Variants in MTHFD2L observed in about 807,000 individuals in gnomAD.
The protein encoded by MTHFD2L is methylenetetrahydrofolate dehydrogenase (NADP+ dependent) 2 like.
Under a neutral mutation model 34.9 loss-of-function variants are expected in MTHFD2L, and 29 were observed. The ratio of observed to expected loss-of-function variants is 0.83; its 90% CI spans 0.62 to 1.13. MTHFD2L has a LOEUF of 1.13. Ranked by LOEUF, MTHFD2L falls within the 50% of genes most tolerant of loss-of-function variation. The pLI is 0.00. For missense variants in MTHFD2L, 481 were observed against 446.5 expected, an observed-to-expected ratio of 1.08 and a Z score of -0.70; for synonymous variants, 167 against 155.7, an observed-to-expected ratio of 1.07 and a Z score of -0.54.
intron 7 of MTHFD2L, among the ~76,000 whole-genome samples, chr4:74,284,284 A>G (rs1747866215): frequency 6.6e-6 from 1 of 152,154 alleles, no homozygotes; most frequent in Admixed American, 6.6e-5. Flanking sequence ...TGCCATTGAA[A>G]GGGCAAAGGA....
intron 5 of MTHFD2L, among the ~76,000 whole-genome samples, chr4:74,223,242 A>T (rs1055436185): frequency 2.6e-5 from 4 of 151,950 alleles, no homozygotes; most frequent in African/African-American, 9.7e-5. Context: ...ATACACACAC[A>T]CTACATACAC....
intron 5 of MTHFD2L, among the ~76,000 whole-genome samples, chr4:74,202,094 C>A (rs140985603): frequency 6.6e-6 from 1 of 152,242 alleles, no homozygotes. Flanking sequence ...GGGCCGCTTA[C>A]AGACTCCACG....
At chr4:74,274,587 TC>T (rs1471171966) in intron 6 of MTHFD2L, among the ~76,000 whole-genome samples, 1 of 152,222 alleles carries the variant, frequency 6.6e-6, no homozygotes, top group Non-Finnish European at 1.5e-5. Context: ...GAATGCTGGT[TC>T]CCCAAAAATA....
chr4:74,194,532 A>G (rs1244533480), intron 3 of MTHFD2L: 1 of 152,208 alleles, frequency 6.6e-6, no homozygotes, highest in Non-Finnish European at 1.5e-5. Context: ...AGTCCAATAT[A>G]AGCTACTTCA....
chr4:74,226,940 T>C (rs566868300), intron 6 of MTHFD2L, among the ~76,000 whole-genome samples: 58 of 152,244 alleles, frequency 3.8e-4, no homozygotes, highest in African/African-American at 1.4e-3. Flanking sequence ...TGTTTTAGAT[T>C]GATTGATTGG....
At chr4:74,148,917 C>G (rs538091057) in intron 1 of MTHFD2L, among the ~76,000 whole-genome samples, 2 of 151,760 alleles carry the variant, frequency 1.3e-5, no homozygotes, top group South Asian at 4.2e-4. Flanking sequence ...ATTTCTTAGG[C>G]CCCTTTGCTT....
At chr4:74,205,663 G>A (rs916182497) in intron 5 of MTHFD2L, among the ~76,000 whole-genome samples, 8 of 152,146 alleles carry the variant, frequency 5.3e-5, no homozygotes, top group Admixed American at 2.0e-4. Context: ...AAGGGATAGT[G>A]CTGACACTCA....
chr4:74,179,585 G>A (rs1400019735), intron 3 of MTHFD2L, among the ~76,000 whole-genome samples: 1 of 151,984 alleles, frequency 6.6e-6, no homozygotes, highest in Non-Finnish European at 1.5e-5. Context: ...GTGATTTACT[G>A]ACCGTTACTT....
chr4:74,267,803 T>C (rs1432097848), intron 6 of MTHFD2L: 4 of 985,198 alleles, frequency 4.1e-6, no homozygotes, highest in African/African-American at 1.7e-5. Flanking sequence ...TGCAGAAATA[T>C]GGTCCAAGGC....
chr4:74,258,093 A>T (rs1744251354), intron 6 of MTHFD2L, among the ~76,000 whole-genome samples: 1 of 152,152 alleles, frequency 6.6e-6, no homozygotes, highest in South Asian at 2.1e-4. Context: ...AAATGTTAGC[A>T]AGGATGTGGA....
At chr4:74,175,906 G>A (rs1253052391) in intron 3 of MTHFD2L, among the ~76,000 whole-genome samples, 1 of 152,062 alleles carries the variant, frequency 6.6e-6, no homozygotes, top group African/African-American at 2.4e-5. Flanking sequence ...AGTTGGAGCA[G>A]TGTTTGTCTT....
chr4:74,247,833 C>G (rs912153958), intron 6 of MTHFD2L, among the ~76,000 whole-genome samples: 4 of 152,132 alleles, frequency 2.6e-5, no homozygotes, highest in Non-Finnish European at 5.9e-5. Context: ...ATGAAGCCCA[C>G]TTGATCATGG....
At chr4:74,126,160 T>C (rs1722057924) in intron 1 of MTHFD2L, among the ~76,000 whole-genome samples, 1 of 152,164 alleles carries the variant, frequency 6.6e-6, no homozygotes, top group South Asian at 2.1e-4. Context: ...CATCAATAAA[T>C]TCTTGGAAAC....
At chr4:74,217,061 C>G (rs941302282) in intron 5 of MTHFD2L, among the ~76,000 whole-genome samples, 9 of 151,856 alleles carry the variant, frequency 5.9e-5, no homozygotes, top group Non-Finnish European at 1.2e-4. Context: ...TCCTAACTCA[C>G]TTCCTACCAT....
At chr4:74,146,879 T>C (rs1435914842) in intron 1 of MTHFD2L, among the ~76,000 whole-genome samples, 1 of 152,098 alleles carries the variant, frequency 6.6e-6, no homozygotes, top group East Asian at 1.9e-4. Flanking sequence ...TCCAATAGTC[T>C]GTCTTTGAGC....
rs10585551 is a variant in MTHFD2L at position 74,291,003 on chromosome 4, C to CTTTTTTTTTTTTTTTTTTTTTTTTTTTTT, written c.931+9457_931+9485dup. Among the ~76,000 whole-genome samples the CTTTTTTTTTTTTTTTTTTTTTTTTTTTTT allele has an allele frequency of 3.7e-3, 108 of 29,278 alleles. 38 individuals are homozygous for CTTTTTTTTTTTTTTTTTTTTTTTTTTTTT. Among genetic ancestry groups the CTTTTTTTTTTTTTTTTTTTTTTTTTTTTT allele is most frequent in the South Asian group, 0.012 (4 of 346 alleles). 19.2% of individuals were successfully genotyped at this position (29,278 alleles called of 152,430 possible). A position where few individuals can be genotyped will look rare whatever the true frequency, so the allele number is the denominator to read the frequency against. ...CTGTCTTACATTTATTTTTCCTTTT[C>CTTTTTTTTTTTTTTTTTTTTTTTTTTTTT]TTTTTTTTTTTTTTTTTTTTTTTTT... On this transcript the variant is annotated intron_variant, in intron 7 of 7. Transcript: ENST00000325278.
chr4:74,292,483 C>T (rs190221620), intron 7 of MTHFD2L, among the ~76,000 whole-genome samples: 160 of 151,274 alleles, frequency 1.1e-3, no homozygotes, highest in Admixed American at 4.0e-3. Context: ...AAGGCCCTGC[C>T]AAGAGATTTG....
In MTHFD2L at chr4:74,174,495, G is replaced by A. The variant is rs369670621; in HGVS notation, c.144-11G>A. The A allele has an allele frequency of 1.4e-6, 2 of 1,441,328 alleles. No individual in the cohort carries two copies. Among genetic ancestry groups the A allele is most frequent in the African/African-American group, 2.9e-5 (2 of 68,156 alleles). 89.3% of individuals were successfully genotyped at this position (1,441,328 alleles called of 1,614,324 possible). On this transcript the variant is annotated splice_polypyrimidine_tract_variant and intron_variant, in intron 1 of 7. Transcript: ENST00000325278. ...TTTTCTTTTTAGTATTTATTGTTTT[G>A]CTTTCCACAGACATGAAGCCATTAT...
intron 3 of MTHFD2L, among the ~76,000 whole-genome samples, chr4:74,199,128 A>T (rs1055656956): frequency 1.3e-5 from 2 of 152,120 alleles, no homozygotes; most frequent in African/African-American, 4.8e-5. Flanking sequence ...TTATATTTCT[A>T]TACTTACTTT....
Sources: allele counts gnomAD v4.1 joint callset (sites outside exome capture counted in the v4.1 genomes callset), GRCh38; gene constraint gnomAD v4.1.1; transcripts MANE v1.5; gene names NCBI Gene and HGNC (gene_info 2026-07-23, HGNC 2026-07-21).